SRGAP1: variants seen among roughly 807,000 people sequenced by gnomAD.
SRGAP1 encodes SLIT-ROBO Rho GTPase activating protein 1.
SRGAP1 carries 43 observed loss-of-function variants against 121.9 expected under a neutral mutation model. The observed-to-expected ratio is 0.35, with a 90% CI of 0.28 to 0.46. SRGAP1 has a LOEUF of 0.46. Among genes scored for constraint, SRGAP1 ranks in the 20% least tolerant of loss-of-function variants. SRGAP1 has a pLI of 1.00. For missense variants in SRGAP1, 1,102 were observed against 1,350.9 expected (o/e 0.82, Z 2.89); for synonymous variants, 447 against 485.4 (o/e 0.92, Z 1.04).
intron 6 of SRGAP1, among the ~76,000 whole-genome samples, chr12:64,051,606 A>G (rs1172141008): frequency 6.6e-6 from 1 of 152,162 alleles, no homozygotes; most frequent in Non-Finnish European, 1.5e-5. Flanking sequence ...CTACAGCTAA[A>G]ACTTTTAATA....
intron 3 of SRGAP1, among the ~76,000 whole-genome samples, chr12:64,013,954 A>G (rs1328534684): frequency 6.6e-6 from 1 of 152,228 alleles, no homozygotes; most frequent in Non-Finnish European, 1.5e-5. Flanking sequence ...CAATGTCAAA[A>G]GAGACCACAA....
intron 21 of SRGAP1, among the ~76,000 whole-genome samples, chr12:64,141,838 C>A (rs2036968536): frequency 6.6e-6 from 1 of 151,870 alleles, no homozygotes; most frequent in Admixed American, 6.6e-5. Context: ...GTGGTCCCAG[C>A]TACTCAGGAG....
intron 10 of SRGAP1, among the ~76,000 whole-genome samples, chr12:64,082,638 A>G (rs11175253): frequency 0.13 from 19,980 of 151,886 alleles, 1,552 homozygotes; most frequent in South Asian, 0.28. Flanking sequence ...TAGTAGAGAC[A>G]GGGGTCTCAC....
At chr12:63,874,746 A>G (rs777509967) in intron 1 of SRGAP1, among the ~76,000 whole-genome samples, 25 of 152,120 alleles carry the variant, frequency 1.6e-4, no homozygotes, top group Non-Finnish European at 3.2e-4. Flanking sequence ...GTGCTAGAAG[A>G]ATGCCTGGCC....
In SRGAP1 at chr12:64,143,602, G is replaced by C. The variant is rs1330807489; in HGVS notation, c.*930G>C. 2 of 152,250 alleles carry C rather than the reference G, an allele frequency of 1.3e-5. No homozygotes were observed. The highest frequency in any genetic ancestry group is 4.8e-5 in the African/African-American group (2 of 41,420). 9.4% of individuals were successfully genotyped at this position (152,250 alleles called of 1,614,324 possible). A position where few individuals can be genotyped will look rare whatever the true frequency, so the allele number is the denominator to read the frequency against. The stretch of plus-strand genomic sequence containing the variant: ...GCAGCAAGAAGCACCTGAGGCCTTG[G>C]TTCATGCAGTGTTCTCTTTTGACTA... On this transcript the variant is annotated 3_prime_UTR_variant, in exon 22 of 22. Coordinates refer to ENST00000355086, the MANE Select transcript of SRGAP1 (RefSeq NM_020762.4).
At chr12:64,069,978 C>T (rs1222126073) in intron 8 of SRGAP1, among the ~76,000 whole-genome samples, 2 of 152,236 alleles carry the variant, frequency 1.3e-5, no homozygotes, top group Non-Finnish European at 1.5e-5. Flanking sequence ...CTCAAGCAAT[C>T]TTCCCACCTT....
chr12:63,963,983 T>C (rs2032715285), intron 1 of SRGAP1, among the ~76,000 whole-genome samples: 1 of 152,160 alleles, frequency 6.6e-6, no homozygotes, highest in Non-Finnish European at 1.5e-5. Flanking sequence ...AATTATGTAA[T>C]TGGGAACAGC....
chr12:63,964,911 C>T lies in SRGAP1; in HGVS notation c.68-19036C>T, dbSNP rs74987782. ...ATTAAGGATCTGGATCCATTGATCT[C>T]GCCTAATTGTTTTCAGATACAGAAT... On this transcript the variant is annotated intron_variant, in intron 1 of 21. Transcript: ENST00000355086. Among the ~76,000 whole-genome samples, 346 of 152,250 alleles carry T rather than the reference C, an allele frequency of 2.3e-3. 2 individuals are homozygous for T. Among genetic ancestry groups the T allele is most frequent in the African/African-American group, 8.1e-3 (335 of 41,540 alleles).
intron 1 of SRGAP1, among the ~76,000 whole-genome samples, chr12:63,915,449 T>C (rs2030728877): frequency 1.3e-5 from 2 of 152,216 alleles, no homozygotes; most frequent in South Asian, 4.1e-4. Context: ...GGCATTCTAT[T>C]TGTATGGAAT....
At chr12:63,940,311 A>G (rs1222001441) in intron 1 of SRGAP1, among the ~76,000 whole-genome samples, 1 of 138,518 alleles carries the variant, frequency 7.2e-6, no homozygotes, top group Non-Finnish European at 1.5e-5. Flanking sequence ...TCCATCCCCC[A>G]CTCCATCCTG....
At chr12:63,915,361 G>A (rs1189274908) in intron 1 of SRGAP1, among the ~76,000 whole-genome samples, 1 of 152,146 alleles carries the variant, frequency 6.6e-6, no homozygotes, top group Non-Finnish European at 1.5e-5. Context: ...AAACATAAAA[G>A]TATAAATAGT....
At chr12:63,983,829 TATATATATATATATATATATATA>T in intron 1 of SRGAP1, 95 bp from the exon 2 acceptor site, 1 of 101,884 alleles carries the variant, frequency 9.8e-6, no homozygotes, top group Non-Finnish European at 1.9e-5. Context: ...TATATATATA[TATATATATATATATATATATATA>T]TATTTATATA....
At chr12:63,959,709 C>T (rs1185918201) in intron 1 of SRGAP1, among the ~76,000 whole-genome samples, 8 of 152,086 alleles carry the variant, frequency 5.3e-5, no homozygotes. Context: ...TGAAGATCTA[C>T]ACTGTATTGG....
At chr12:64,110,023 C>T (rs541186600) in intron 16 of SRGAP1, among the ~76,000 whole-genome samples, 1 of 152,150 alleles carries the variant, frequency 6.6e-6, no homozygotes, top group Non-Finnish European at 1.5e-5. Context: ...ACAGTAGCAA[C>T]CCCTTTGTAC....
At chr12:63,875,197 G>A (rs1296124040) in intron 1 of SRGAP1, among the ~76,000 whole-genome samples, 2 of 152,178 alleles carry the variant, frequency 1.3e-5, no homozygotes, top group East Asian at 3.9e-4. Context: ...TTACAGTCAT[G>A]AGCAGTCCTT....
intron 3 of SRGAP1, among the ~76,000 whole-genome samples, chr12:64,005,096 AT>A (rs1261748422): frequency 6.6e-6 from 1 of 152,238 alleles, no homozygotes; most frequent in Non-Finnish European, 1.5e-5. Flanking sequence ...AAGAAAAAAA[AT>A]ATTATTGTGA....
chr12:64,098,488 T>C (rs1269753984), intron 15 of SRGAP1, among the ~76,000 whole-genome samples: 1 of 151,970 alleles, frequency 6.6e-6, no homozygotes, highest in Non-Finnish European at 1.5e-5. Flanking sequence ...CTGGGCAACA[T>C]GGCAAAACCC....
chr12:63,883,484 T>C (rs545996311), intron 1 of SRGAP1, among the ~76,000 whole-genome samples: 7 of 152,190 alleles, frequency 4.6e-5, no homozygotes, highest in Non-Finnish European at 7.4e-5. Context: ...CTTCCTAAAT[T>C]AAAAAAGAAA....
At chr12:63,934,536 A>C (rs554261737) in intron 1 of SRGAP1, among the ~76,000 whole-genome samples, 24 of 152,152 alleles carry the variant, frequency 1.6e-4, no homozygotes, top group Non-Finnish European at 3.5e-4. Flanking sequence ...TGCACAACCC[A>C]CTTTGCAACA....
Sources: gnomAD v4.1 joint callset for allele counts (sites outside exome capture counted in the v4.1 genomes callset) on GRCh38, gnomAD v4.1.1 for gene constraint, MANE v1.5 for transcripts, NCBI Gene and HGNC (gene_info 2026-07-23, HGNC 2026-07-21) for gene names.